The following CFAP47 variants were observed in gnomAD, a reference collection of about 807,000 sequenced individuals.
CFAP47 encodes cilia and flagella associated protein 47.
Under a neutral mutation model 148.1 loss-of-function variants are expected in CFAP47, and 29 were observed. The observed-to-expected ratio is 0.20, with a 90% CI of 0.15 to 0.27. The LOEUF is 0.27. Ranked by LOEUF, CFAP47 falls within the 10% of genes least tolerant of loss-of-function variation. The pLI, the probability that CFAP47 is intolerant of heterozygous loss-of-function variation, is 1.00. For synonymous variants in CFAP47, 664 were observed against 577.3 expected, an observed-to-expected ratio of 1.15 and a Z score of -2.15; for missense variants, 1,872 against 1,697.5, an observed-to-expected ratio of 1.10 and a Z score of -1.81.
At chrX:36,319,094 A>G in intron 56 of CFAP47, 115 bp from the exon 57 acceptor site, 2 of 352,695 alleles carry the variant, frequency 5.7e-6, no homozygotes, top group Non-Finnish European at 9.9e-6. Context: ...TTTGAAAGAT[A>G]TTCATCTTAT....
At chrX:36,178,630 A>G (rs760232600) in intron 39 of CFAP47, among the ~76,000 whole-genome samples, 1 of 111,834 alleles carries the variant, frequency 8.9e-6, no homozygotes, top group African/African-American at 3.2e-5. Context: ...TCTTAACAAT[A>G]TTTGACACAA....
chrX:35,975,186 C>T lies in CFAP47; in HGVS notation c.2294C>T (p.Ser765Phe). The change falls in exon 14 of 64, where the codon TCT becomes TTT. Residue 765 changes from serine to phenylalanine, a missense_variant. Physicochemically the swap from Ser to Phe is radical, Grantham distance 155. Transcript: ENST00000378653. ...VLNFGNICVN[S>F]PNTHLLHVIN... The stretch of plus-strand genomic sequence containing the variant: ...AACTTTGGTAATATTTGTGTGAACT[C>T]TCCAAATACTCATCTACTTCATGTT... 1 of 1,197,279 alleles carries T rather than the reference C, an allele frequency of 8.4e-7. No individual in the cohort carries two copies. Among genetic ancestry groups the T allele is most frequent in the African/African-American group, 1.7e-5 (1 of 57,262 alleles).
At position 36,188,276 on chromosome X, in the gene CFAP47, G is replaced by C. The variant is rs374423461; in HGVS notation, c.6105-344G>C. Among the ~76,000 whole-genome samples the C allele has an allele frequency of 4.5e-4, 50 of 111,661 alleles. No homozygotes were observed. The South Asian group carries it at 0.013, about 29-fold the overall frequency. ...AAAAGTACCTATTTAGTCCTAAATTGAGATCATCCACGTTTTGAGTCTTTG... is the reference window on the plus strand; with the variant it reads ...AAAAGTACCTATTTAGTCCTAAATTCAGATCATCCACGTTTTGAGTCTTTG... On this transcript the variant is annotated intron_variant, in intron 40 of 63. Coordinates refer to ENST00000378653, the MANE Select transcript of CFAP47 (RefSeq NM_001304548.2).
chrX:36,360,367 C>T (rs1329170310), intron 60 of CFAP47, among the ~76,000 whole-genome samples: 4 of 111,512 alleles, frequency 3.6e-5, no homozygotes, highest in Admixed American at 9.5e-5. Context: ...GATCTGGGGC[C>T]ATGACTGGGG....
intron 49 of CFAP47, among the ~76,000 whole-genome samples, chrX:36,266,499 G>T (rs782429505): frequency 9.0e-6 from 1 of 111,045 alleles, no homozygotes; most frequent in African/African-American, 3.3e-5. Context: ...TGGTCAGAAA[G>T]TACTTCGGTG....
chrX:36,194,374 C>T (rs1423828694), intron 42 of CFAP47, among the ~76,000 whole-genome samples: 2 of 111,622 alleles, frequency 1.8e-5, no homozygotes, highest in Non-Finnish European at 1.9e-5. Flanking sequence ...CTATCTCCTT[C>T]TGAGCCCTCC....
At chrX:36,378,652 G>T (rs1160175386) in intron 62 of CFAP47, among the ~76,000 whole-genome samples, 1 of 111,677 alleles carries the variant, frequency 9.0e-6, no homozygotes, top group Non-Finnish European at 1.9e-5. Flanking sequence ...CGATTCTCCT[G>T]TCTCAGCCTC....
chrX:36,119,360 A>G (rs1033916716), intron 33 of CFAP47, among the ~76,000 whole-genome samples: 1 of 111,890 alleles, frequency 8.9e-6, no homozygotes, highest in African/African-American at 3.2e-5. Context: ...GGTGTATCAC[A>G]TTTGTTGATT....
intron 63 of CFAP47, among the ~76,000 whole-genome samples, chrX:36,380,629 G>C (rs1306572603): frequency 9.0e-6 from 1 of 111,373 alleles, no homozygotes; most frequent in Non-Finnish European, 1.9e-5. Flanking sequence ...ATTTTTGGTA[G>C]AGATGTGGTT....
At chrX:36,140,919 G>A (rs915586271) in intron 35 of CFAP47, among the ~76,000 whole-genome samples, 5 of 111,156 alleles carry the variant, frequency 4.5e-5, no homozygotes, top group East Asian at 5.7e-4. Flanking sequence ...TGACCACAGC[G>A]TAGAATGCAT....
rs1254609228 is a variant in CFAP47 at position 35,951,967 on chromosome X, A to G, written c.1046+4A>G. On this transcript the variant is annotated splice_donor_region_variant and intron_variant, in intron 6 of 63. Transcript: ENST00000378653. ...TTACATTTTGTTTCACCCCAAAGTA[A>G]GCAAAAATTAATTTCATTGTAATGT... The G allele has an allele frequency of 6.1e-6, 7 of 1,152,444 alleles. No homozygotes were observed. The highest frequency in any genetic ancestry group is 8.0e-6 in the Non-Finnish European group (7 of 874,178). 95.0% of individuals were successfully genotyped at this position (1,152,444 alleles called of 1,213,427 possible). A position where few individuals can be genotyped will look rare whatever the true frequency, so the allele number is the denominator to read the frequency against.
intron 3 of CFAP47, among the ~76,000 whole-genome samples, chrX:35,941,599 A>T (rs1160306213): frequency 9.0e-6 from 1 of 111,634 alleles, no homozygotes; most frequent in Non-Finnish European, 1.9e-5. Context: ...CCTCCTTATG[A>T]TCCTGATTAA....
chrX:36,075,707 G>A lies in CFAP47; in HGVS notation c.4691+2343G>A, dbSNP rs1362807738. ...CCTTCCCTCATGTCTCCTTCTGTTA[G>A]TCCTGAGTGCCTTTTGTGGCCATCT... On this transcript the variant is annotated intron_variant, in intron 29 of 63. Coordinates refer to ENST00000378653, the MANE Select transcript of CFAP47 (RefSeq NM_001304548.2). Among the ~76,000 whole-genome samples the A allele has an allele frequency of 3.6e-5, 4 of 111,321 alleles. No homozygotes were observed. The East Asian group carries it at 8.5e-4, about 24-fold the overall frequency.
chrX:36,280,645 A>C lies in CFAP47; in HGVS notation c.7588+15A>C, dbSNP rs963823162. 3.0e-5 allele frequency: 14 copies of C among 461,442 alleles called. No individual in the cohort carries two copies. Among genetic ancestry groups the C allele is most frequent in the African/African-American group, 2.4e-4 (10 of 41,887 alleles). 38.0% of individuals were successfully genotyped at this position (461,442 alleles called of 1,213,427 possible). ...TGCAGACACATGTAAGTTTATTATG[A>C]CAGAGTTTCACTATTAGTTTGCATA... On this transcript the variant is annotated intron_variant, in intron 50 of 63. Coordinates refer to ENST00000378653, the MANE Select transcript of CFAP47 (RefSeq NM_001304548.2).
intron 51 of CFAP47, among the ~76,000 whole-genome samples, chrX:36,296,401 C>A (rs1448849823): frequency 8.9e-6 from 1 of 112,035 alleles, no homozygotes; most frequent in African/African-American, 3.2e-5. Context: ...AGACCAGAAT[C>A]TAAATCTAAA....
chrX:36,076,946 G>A (rs187833674), intron 29 of CFAP47, among the ~76,000 whole-genome samples: 14 of 110,926 alleles, frequency 1.3e-4, no homozygotes, highest in East Asian at 5.7e-4. Context: ...ACTTTTAATC[G>A]TCTGCAAATG....
At chrX:36,115,398 G>A (rs1419404203) in intron 33 of CFAP47, among the ~76,000 whole-genome samples, 2 of 111,998 alleles carry the variant, frequency 1.8e-5, no homozygotes, top group African/African-American at 6.5e-5. Flanking sequence ...ATAAACATCT[G>A]TAGAGAGTTT....
intron 35 of CFAP47, among the ~76,000 whole-genome samples, chrX:36,140,245 A>G (rs5973589): frequency 0.27 from 29,926 of 110,303 alleles, 5,555 homozygotes; most frequent in African/African-American, 0.66. Context: ...CAAAGGAGAC[A>G]AGAAGTCACT....
chrX:35,924,829 T>C (rs1935711325), intron 1 of CFAP47, among the ~76,000 whole-genome samples: 1 of 111,365 alleles, frequency 9.0e-6, no homozygotes, highest in African/African-American at 3.3e-5. Context: ...TAGAATCAGA[T>C]AGGTAAAAAC....
Sources: allele counts gnomAD v4.1 joint callset (sites outside exome capture counted in the v4.1 genomes callset), GRCh38; gene constraint gnomAD v4.1.1; transcripts MANE v1.5; gene names NCBI Gene and HGNC (gene_info 2026-07-23, HGNC 2026-07-21).